The following ANKDD1B variants were observed in gnomAD, a reference collection of about 807,000 sequenced individuals.
ANKDD1B encodes ankyrin repeat and death domain containing 1B.
A neutral mutation model predicts 59.7 loss-of-function variants in ANKDD1B; 57 were observed. The ratio of observed to expected loss-of-function variants is 0.95; its 90% CI spans 0.77 to 1.19. The LOEUF (loss-of-function observed/expected upper bound fraction) is 1.19, where lower values mean the gene tolerates loss of function less well. Among genes scored for constraint, ANKDD1B ranks in the 50% most tolerant of loss-of-function variants. The pLI is 0.00. For missense variants in ANKDD1B, 602 were observed against 641.9 expected, an observed-to-expected ratio of 0.94 and a Z score of 0.67; for synonymous variants, 216 against 239.5, an observed-to-expected ratio of 0.90 and a Z score of 0.91.
chr5:75,612,689 T>C (rs1276796385), intron 1 of ANKDD1B, among the ~76,000 whole-genome samples: 1 of 152,022 alleles, frequency 6.6e-6, no homozygotes, highest in East Asian at 1.9e-4. Context: ...GGAGGGGTGA[T>C]AGACAATAAA....
intron 1 of ANKDD1B, among the ~76,000 whole-genome samples, chr5:75,614,686 TC>T (rs1773669721): frequency 6.6e-6 from 1 of 152,318 alleles, no homozygotes; most frequent in Admixed American, 6.5e-5. Flanking sequence ...ACTTGTGCTT[TC>T]AGTCCATTGG....
At chr5:75,664,466 C>T (rs1052772514) in intron 11 of ANKDD1B, among the ~76,000 whole-genome samples, 2 of 152,150 alleles carry the variant, frequency 1.3e-5, no homozygotes, top group Admixed American at 6.5e-5. Context: ...TGTTTCTTCT[C>T]TCCCATTCCT....
At chr5:75,648,444 A>G (rs1774718412) in intron 7 of ANKDD1B, among the ~76,000 whole-genome samples, 1 of 151,558 alleles carries the variant, frequency 6.6e-6, no homozygotes, top group Non-Finnish European at 1.5e-5. Context: ...TTACTCCATT[A>G]TTTTGTACAC....
chr5:75,638,498 A>T (rs1774375529), intron 7 of ANKDD1B, among the ~76,000 whole-genome samples: 1 of 152,236 alleles, frequency 6.6e-6, no homozygotes, highest in African/African-American at 2.4e-5. Flanking sequence ...GCAAACCCAT[A>T]TCAGTAAAGA....
At chr5:75,665,935 A>T (rs892611228) in intron 11 of ANKDD1B, among the ~76,000 whole-genome samples, 3 of 152,090 alleles carry the variant, frequency 2.0e-5, no homozygotes, top group Non-Finnish European at 4.4e-5. Context: ...GTCACTATAC[A>T]TGAGAAAGGA....
intron 5 of ANKDD1B, among the ~76,000 whole-genome samples, chr5:75,630,219 A>G (rs747394879): frequency 3.0e-4 from 46 of 152,212 alleles, no homozygotes; most frequent in Non-Finnish European, 6.2e-4. Flanking sequence ...AAAGGACATG[A>G]TAAGAAACTA....
Position 75,656,620 on chromosome 5 carries a change from G to A in ANKDD1B, c.996+493G>A, listed in dbSNP as rs188720347. On this transcript the variant is annotated intron_variant, in intron 9 of 13. Transcript: ENST00000601380. ...CAACTGGAGCAGAATCAAATGACTC[G>A]TTAAAGTAATCCATCACTGGCTGGA... Among the ~76,000 whole-genome samples, 140 of 152,322 alleles carry A rather than the reference G, an allele frequency of 9.2e-4. 1 individual carries two copies. The highest frequency in any genetic ancestry group is 2.8e-3 in the African/African-American group (117 of 41,572).
chr5:75,629,105 G>A (rs73764942), intron 5 of ANKDD1B, among the ~76,000 whole-genome samples: 54 of 152,246 alleles, frequency 3.5e-4, no homozygotes, highest in African/African-American at 1.2e-3. Context: ...GGGATAGTGA[G>A]TAGAAGGGGA....
chr5:75,653,052 T>C (rs1774870422), intron 7 of ANKDD1B, 90 bp from the exon 8 acceptor site: 2 of 860,360 alleles, frequency 2.3e-6, no homozygotes, highest in Admixed American at 2.0e-5. Context: ...ACTATTTCAT[T>C]GTATTAACTG....
Position 75,668,065 on chromosome 5 carries a change from T to C in ANKDD1B, c.1393+1072T>C, listed in dbSNP as rs573548873. On this transcript the variant is annotated intron_variant, in intron 12 of 13. Transcript: ENST00000601380. ...AGGCTTATAGTGTTCTGTGAAGTCT[T>C]TAGGAAAATTGAGTTGCCTCCTGGA... 9.5e-4 allele frequency among the ~76,000 whole-genome samples: 144 copies of C among 152,238 alleles called. 1 individual carries two copies. The highest frequency in any genetic ancestry group is 1.2e-3 in the Non-Finnish European group (80 of 67,974).
intron 2 of ANKDD1B, among the ~76,000 whole-genome samples, chr5:75,618,176 A>G (rs1329378118): frequency 6.6e-6 from 1 of 152,194 alleles, no homozygotes; most frequent in African/African-American, 2.4e-5. Context: ...AAAAGAGGAA[A>G]AAGAAAAGAA....
intron 8 of ANKDD1B, among the ~76,000 whole-genome samples, chr5:75,654,135 G>T (rs1774898659): frequency 6.6e-6 from 1 of 152,164 alleles, no homozygotes; most frequent in Non-Finnish European, 1.5e-5. Flanking sequence ...TCTGACCCTT[G>T]CTGGCCTCCG....
Position 75,611,672 on chromosome 5 carries a change from C to G in ANKDD1B, c.38C>G (p.Thr13Arg). Residue 13 changes from threonine (T) to arginine (R), a missense_variant, in exon 1 of 14, where the codon ACG (threonine) becomes AGG (arginine). Coordinates refer to ENST00000601380, the MANE Select transcript of ANKDD1B (RefSeq NM_001276713.2). ...PAGRARGQGA[T>R]AGGLLLRAAA... ...GGGCGCGCCCGGGGCCAAGGGGCCA[C>G]GGCAGGGGGGCTGCTGCTCCGGGCT... The G allele has an allele frequency of 8.1e-7, 1 of 1,231,768 alleles. No individual in the cohort carries two copies. Among genetic ancestry groups the G allele is most frequent in the Non-Finnish European group, 1.0e-6 (1 of 988,114 alleles). 76.3% of individuals were successfully genotyped at this position (1,231,768 alleles called of 1,614,324 possible). A position where few individuals can be genotyped will look rare whatever the true frequency, so the allele number is the denominator to read the frequency against.
rs879532558 is a variant in ANKDD1B at position 75,671,221 on chromosome 5, GT to G, written c.*189del. On this transcript the variant is annotated 3_prime_UTR_variant, in exon 14 of 14. Coordinates refer to ENST00000601380, the MANE Select transcript of ANKDD1B (RefSeq NM_001276713.2). ...TTCAACCACTAAAAAGTCAAATATA[GT>G]TTTTTTTGCTGAGGGCAAGTTGTAT... The G allele has an allele frequency of 4.3e-5, 16 of 368,064 alleles. No individual in the cohort carries two copies. The highest frequency in any genetic ancestry group is 2.3e-4 in the East Asian group (6 of 25,716). The allele number at this position is 368,064 out of a possible 1,614,324, so 22.8% of individuals were successfully genotyped here.
chr5:75,635,874 A>G lies in ANKDD1B; in HGVS notation c.790A>G (p.Met264Val). Residue 264 changes from methionine (M) to valine (V), a missense_variant, in exon 7 of 14, where the codon ATG becomes GTG. Transcript: ENST00000601380. ...LLAQWQDINEMNELNISSLQI... is the reference protein window; with the variant it reads ...LLAQWQDINEVNELNISSLQI... ...AGCCCAGTGGCAAGACATAAATGAG[A>G]TGAATGAGGTATGTGGAAGTGCTCG... The G allele has an allele frequency of 6.5e-7, 1 of 1,528,358 alleles. No individual in the cohort carries two copies. Among genetic ancestry groups the G allele is most frequent in the Non-Finnish European group, 8.8e-7 (1 of 1,140,582 alleles). 94.7% of individuals were successfully genotyped at this position (1,528,358 alleles called of 1,614,324 possible).
intron 8 of ANKDD1B, 41 bp from the exon 9 acceptor site, chr5:75,655,988 C>A: frequency 1.1e-6 from 1 of 934,774 alleles, no homozygotes; most frequent in Non-Finnish European, 1.6e-6. Flanking sequence ...AATGTTGAAG[C>A]CAGAACCTTC....
chr5:75,661,419 A>T (rs1448304975), intron 10 of ANKDD1B, among the ~76,000 whole-genome samples: 1 of 149,804 alleles, frequency 6.7e-6, no homozygotes, highest in Non-Finnish European at 1.5e-5. Flanking sequence ...AAAAAAAAAA[A>T]AAAAAAGTAA....
At chr5:75,617,587 T>C (rs1362832616) in intron 2 of ANKDD1B, among the ~76,000 whole-genome samples, 1 of 152,108 alleles carries the variant, frequency 6.6e-6, no homozygotes, top group Non-Finnish European at 1.5e-5. Flanking sequence ...TAGGACAATT[T>C]GTGGAGTGGT....
At chr5:75,655,624 CT>C (rs1357472380) in intron 8 of ANKDD1B, among the ~76,000 whole-genome samples, 2 of 152,208 alleles carry the variant, frequency 1.3e-5, no homozygotes, top group Non-Finnish European at 2.9e-5. Context: ...AGCCTTCCCC[CT>C]ATCCCCACAC....
Sources: gnomAD v4.1 joint callset for allele counts (sites outside exome capture counted in the v4.1 genomes callset) on GRCh38, gnomAD v4.1.1 for gene constraint, MANE v1.5 for transcripts, NCBI Gene and HGNC (gene_info 2026-07-23, HGNC 2026-07-21) for gene names.